Variants in GALNT3 observed in about 807,000 individuals in gnomAD.
The protein encoded by GALNT3 is polypeptide N-acetylgalactosaminyltransferase 3.
Under a neutral mutation model 69.8 loss-of-function variants are expected in GALNT3, and 51 were observed. That is an observed-to-expected ratio of 0.73 (90% CI 0.58 to 0.92). The LOEUF (loss-of-function observed/expected upper bound fraction) is 0.92. Ranked by LOEUF, GALNT3 falls within the 40% of genes least tolerant of loss-of-function variation. The pLI, the probability that GALNT3 is intolerant of heterozygous loss-of-function variation, is 0.00. For missense variants in GALNT3, 711 were observed against 760.0 expected (o/e 0.94, Z 0.76); for synonymous variants, 265 against 248.5 (o/e 1.07, Z -0.63).
chr2:165,759,718 G>T lies in GALNT3; in HGVS notation c.839-148C>A, dbSNP rs558882578. On this transcript the variant is annotated intron_variant, in intron 4 of 10. Coordinates refer to ENST00000392701, the MANE Select transcript of GALNT3 (RefSeq NM_004482.4). ...ATAATGGAGATTTCTTTCTTCCTCA[G>T]ATTTATTGAGATATAACAAATAAAA... 7.7e-5 allele frequency: 51 copies of T among 661,818 alleles called. 1 individual carries two copies. The South Asian group carries it at 8.6e-4, about 11-fold the overall frequency. The allele number at this position is 661,818 out of a possible 1,614,324, so 41.0% of individuals were successfully genotyped here.
rs766791673 is a variant in GALNT3 at position 165,748,863 on chromosome 2, G to T, written c.1820C>A (p.Ser607Ter). The T allele has an allele frequency of 6.2e-6, 10 of 1,611,028 alleles. No homozygotes were observed. The highest frequency in any genetic ancestry group is 7.6e-6 in the Non-Finnish European group (9 of 1,178,024). Residue 607 changes from serine to a stop codon, truncating the protein, a stop_gained, in exon 11 of 11, where the codon TCA (serine) becomes TAA (stop). Transcript: ENST00000392701. LOFTEE classifies it high-confidence loss of function. ...TAAACTTGGATGCTCTCCATTTGCT[G>T]AAAGGCACATTTTTAAGAATGGATT... ...LYNPFLKMCL[S>*]ANGEHPSLVS...
chr2:165,748,593 T>C lies in GALNT3; in HGVS notation c.*188A>G. On this transcript the variant is annotated 3_prime_UTR_variant, in exon 11 of 11. Transcript: ENST00000392701. ...AAATAGTCTTTGGTATTACTAGTTA[T>C]TGTGCTTTGAAACAGAAACTTGCAG... 1 of 591,356 alleles carries C rather than the reference T, an allele frequency of 1.7e-6. No individual in the cohort carries two copies. Among genetic ancestry groups the C allele is most frequent in the East Asian group, 2.9e-5 (1 of 35,010 alleles). The allele number at this position is 591,356 out of a possible 1,614,324, so 36.6% of individuals were successfully genotyped here.
intron 1 of GALNT3, among the ~76,000 whole-genome samples, chr2:165,785,856 G>GA (rs1456450989): frequency 1.3e-5 from 2 of 152,078 alleles, no homozygotes; most frequent in African/African-American, 2.4e-5. Flanking sequence ...AGACTACATG[G>GA]AAAACCAAGC....
chr2:165,771,245 C>T (rs1688747479), intron 1 of GALNT3: 1 of 152,024 alleles, frequency 6.6e-6, no homozygotes, highest in Admixed American at 6.6e-5. Flanking sequence ...AAATAGTGGC[C>T]TTCATTTTAT....
At chr2:165,768,942 A>G (rs962605734) in intron 2 of GALNT3, among the ~76,000 whole-genome samples, 1 of 151,192 alleles carries the variant, frequency 6.6e-6, no homozygotes, top group Non-Finnish European at 1.5e-5. Flanking sequence ...CTACAGGCAC[A>G]CGGCACCCTG....
At chr2:165,784,158 G>C (rs1435761823) in intron 1 of GALNT3, among the ~76,000 whole-genome samples, 1 of 152,132 alleles carries the variant, frequency 6.6e-6, no homozygotes, top group Non-Finnish European at 1.5e-5. Context: ...TACACAGTGA[G>C]GCCTACTAAA....
At chr2:165,765,619 G>A (rs894707045) in intron 2 of GALNT3, among the ~76,000 whole-genome samples, 1 of 151,880 alleles carries the variant, frequency 6.6e-6, no homozygotes, top group Non-Finnish European at 1.5e-5. Flanking sequence ...CTCCCGAGTA[G>A]CTGGGACTAC....
chr2:165,762,134 A>G (rs1253224662), intron 3 of GALNT3, 80 bp from the exon 4 acceptor site: 1 of 1,032,052 alleles, frequency 9.7e-7, no homozygotes, highest in Non-Finnish European at 1.5e-6. Flanking sequence ...GAAACCACAG[A>G]GCAATGATCC....
Sources: allele counts gnomAD v4.1 joint callset (sites outside exome capture counted in the v4.1 genomes callset), GRCh38; gene constraint gnomAD v4.1.1; transcripts MANE v1.5; gene names NCBI Gene and HGNC (gene_info 2026-07-23, HGNC 2026-07-21).